SMU1: variants seen among roughly 807,000 people sequenced by gnomAD.
SMU1 encodes WD40 repeat-containing protein SMU1.
Under a neutral mutation model 62.0 loss-of-function variants are expected in SMU1, and 2 were observed. That is an observed-to-expected ratio of 0.03 (90% CI 0.01 to 0.10). SMU1 has a LOEUF of 0.10. Among genes scored for constraint, SMU1 ranks in the 10% least tolerant of loss-of-function variants. The probability of loss-of-function intolerance (pLI) is 1.00; values close to 1 mark genes in which losing one functional copy is unlikely to be tolerated. For missense variants in SMU1, 227 were observed against 622.1 expected, an observed-to-expected ratio of 0.36 and a Z score of 6.76; for synonymous variants, 188 against 212.4, an observed-to-expected ratio of 0.89 and a Z score of 1.00.
intron 4 of SMU1, among the ~76,000 whole-genome samples, chr9:33,067,297 CAAAAAAAAAA>C (rs58105257): frequency 1.7e-4 from 9 of 52,746 alleles, no homozygotes; most frequent in African/African-American, 7.2e-4. Context: ...TGCTAATGAC[CAAAAAAAAAA>C]AAAAAAAAAA....
At chr9:33,062,851 T>A (rs1046692963) in intron 4 of SMU1, among the ~76,000 whole-genome samples, 1 of 152,186 alleles carries the variant, frequency 6.6e-6, no homozygotes, top group Non-Finnish European at 1.5e-5. Flanking sequence ...AAAAAGAACA[T>A]GAATGGTTAA....
intron 4 of SMU1, among the ~76,000 whole-genome samples, chr9:33,064,991 C>T (rs1839404592): frequency 6.6e-6 from 1 of 152,218 alleles, no homozygotes; most frequent in African/African-American, 2.4e-5. Flanking sequence ...GATCCACCCA[C>T]CTGGGCTTCC....
chr9:33,052,596 C>T (rs1408370594), intron 10 of SMU1, among the ~76,000 whole-genome samples: 3 of 152,168 alleles, frequency 2.0e-5, no homozygotes, highest in South Asian at 2.1e-4. Context: ...ACCATACATA[C>T]CTAGGGCTTG....
In SMU1 at chr9:33,071,680, GATC is replaced by G. The variant is rs1839488967; in HGVS notation, c.390+57_390+59del. ...TAAAATGGTAAAAAAAAAAAAAAAA[GATC>G]ATGTTATTTCATTTCCAAAGTTAAC... On this transcript the variant is annotated intron_variant, in intron 3 of 11. Coordinates refer to ENST00000397149, the MANE Select transcript of SMU1 (RefSeq NM_018225.3). 4 of 1,111,158 alleles carry G rather than the reference GATC, an allele frequency of 3.6e-6. No homozygotes were observed. In the Admixed American group the frequency reaches 1.1e-4, roughly 31 times the overall value. The allele number at this position is 1,111,158 out of a possible 1,614,324, so 68.8% of individuals were successfully genotyped here. A position where few individuals can be genotyped will look rare whatever the true frequency, so the allele number is the denominator to read the frequency against.
At chr9:33,050,557 G>C (rs1048124538) in intron 10 of SMU1, among the ~76,000 whole-genome samples, 10 of 150,756 alleles carry the variant, frequency 6.6e-5, no homozygotes, top group Non-Finnish European at 1.3e-4. Context: ...GCCGGGTGTG[G>C]TGGCTCAGGC....
At chr9:33,066,341 A>C (rs1839418686) in intron 4 of SMU1, among the ~76,000 whole-genome samples, 1 of 151,920 alleles carries the variant, frequency 6.6e-6, no homozygotes, top group African/African-American at 2.4e-5. Flanking sequence ...AAATCTCAAA[A>C]ATTTATTTCT....
At chr9:33,061,970 C>G in intron 5 of SMU1, 79 bp downstream of exon 5, 2 of 1,492,408 alleles carry the variant, frequency 1.3e-6, no homozygotes, top group Non-Finnish European at 1.8e-6. Flanking sequence ...TATCCAAGCC[C>G]CTGGCACAGG....
At chr9:33,053,449 G>T in intron 9 of SMU1, 159 bp from the exon 10 acceptor site, 1 of 235,004 alleles carries the variant, frequency 4.3e-6, no homozygotes, top group Non-Finnish European at 7.0e-6. Flanking sequence ...ACCCAGCACT[G>T]CCATATACAG....
At chr9:33,061,952 C>T (rs1029306983) in intron 5 of SMU1, 97 bp downstream of exon 5, 2 of 1,294,984 alleles carry the variant, frequency 1.5e-6, no homozygotes, top group Admixed American at 2.1e-5. Flanking sequence ...TGAGTTCTCC[C>T]CCTCAATTAT....
chr9:33,055,957 A>G (rs1383772277), intron 9 of SMU1, among the ~76,000 whole-genome samples, 156 bp downstream of exon 9: 1 of 152,220 alleles, frequency 6.6e-6, no homozygotes, highest in African/African-American at 2.4e-5. Flanking sequence ...TACCCACAGA[A>G]TACTGTTGTT....
intron 6 of SMU1, among the ~76,000 whole-genome samples, chr9:33,058,525 C>T (rs1839327760): frequency 6.6e-6 from 1 of 152,136 alleles, no homozygotes; most frequent in Non-Finnish European, 1.5e-5. Flanking sequence ...TCATGTTAGC[C>T]AGGCCGGCCT....
chr9:33,055,559 A>C (rs1409116976), intron 9 of SMU1, among the ~76,000 whole-genome samples: 3 of 152,164 alleles, frequency 2.0e-5, no homozygotes, highest in Admixed American at 2.0e-4. Context: ...CCTCTCTTCA[A>C]ATAACTAAAT....
intron 6 of SMU1, among the ~76,000 whole-genome samples, chr9:33,058,186 T>C (rs1379415330): frequency 6.6e-6 from 1 of 152,192 alleles, no homozygotes; most frequent in Non-Finnish European, 1.5e-5. Context: ...TTTCTAATTA[T>C]AAAGTGAGAC....
At position 33,044,118 on chromosome 9, in the gene SMU1, A is replaced by T. The variant is rs1356429404; in HGVS notation, c.*3175T>A. 6.6e-6 allele frequency: 1 copy of T among 152,130 alleles called. No individual in the cohort carries two copies. The highest frequency in any genetic ancestry group is 1.5e-5 in the Non-Finnish European group (1 of 68,026). 9.4% of individuals were successfully genotyped at this position (152,130 alleles called of 1,614,324 possible). On this transcript the variant is annotated 3_prime_UTR_variant, in exon 12 of 12. Transcript: ENST00000397149. Reference sequence around the variant, plus strand: ...CCTTATGCTCATGGAATTAATTTTAACGCCAGGTAGTTTAGCTTCTATGTT... The same window carrying T: ...CCTTATGCTCATGGAATTAATTTTATCGCCAGGTAGTTTAGCTTCTATGTT...
At position 33,073,703 on chromosome 9, in the gene SMU1, T is replaced by C. The variant is rs770903254; in HGVS notation, c.130A>G (p.Ile44Val). The stretch of plus-strand genomic sequence containing the variant: ...TTAATGTCAGCCACAAAACTCTCAA[T>C]GCTGTCCACAGTATTCAGAGACACA... ...TTVSLNTVDS[I>V]ESFVADINSG... Residue 44 changes from isoleucine to valine, a missense_variant, in exon 2 of 12, where the codon ATT becomes GTT. By Grantham distance (29) the Ile-to-Val change is conservative (BLOSUM62 3). Coordinates refer to ENST00000397149, the MANE Select transcript of SMU1 (RefSeq NM_018225.3). 2.5e-6 allele frequency: 4 copies of C among 1,614,046 alleles called. No homozygotes were observed. Among genetic ancestry groups the C allele is most frequent in the Non-Finnish European group, 3.4e-6 (4 of 1,180,002 alleles).
intron 1 of SMU1, among the ~76,000 whole-genome samples, chr9:33,074,727 G>A (rs1195820340): frequency 6.6e-6 from 1 of 151,782 alleles, no homozygotes; most frequent in Non-Finnish European, 1.5e-5. Context: ...CAAACTGGCA[G>A]TGTGGCTCTA....
chr9:33,075,255 T>C (rs886424746), intron 1 of SMU1, among the ~76,000 whole-genome samples: 1 of 152,072 alleles, frequency 6.6e-6, no homozygotes, highest in African/African-American at 2.4e-5. Context: ...TGGGCGCCTG[T>C]AGTCCCAGCT....
In SMU1 at chr9:33,076,575, G is replaced by A; in HGVS notation, c.26+8C>T. On this transcript the variant is annotated splice_region_variant and intron_variant, in intron 1 of 11. Transcript: ENST00000397149. ...GCAAGGCGCGAACATCCCCACCGCA[G>A]GACTCACTCCGAAGATTCGATTTCG... 6.2e-7 allele frequency: 1 copy of A among 1,613,806 alleles called. No homozygotes were observed. The highest frequency in any genetic ancestry group is 1.1e-5 in the South Asian group (1 of 91,088).
At chr9:33,060,421 G>T in intron 6 of SMU1, 44 bp downstream of exon 6, 1 of 1,545,582 alleles carries the variant, frequency 6.5e-7, no homozygotes, top group Non-Finnish European at 8.7e-7. Context: ...TTCAAAGCAG[G>T]TAATTTTTCC....
Sources: allele counts gnomAD v4.1 joint callset (sites outside exome capture counted in the v4.1 genomes callset), GRCh38; gene constraint gnomAD v4.1.1; transcripts MANE v1.5; gene names NCBI Gene and HGNC (gene_info 2026-07-23, HGNC 2026-07-21).